Variants in GABRG3 observed in about 807,000 individuals in gnomAD.
GABRG3 encodes the protein gamma-aminobutyric acid receptor subunit gamma-3.
In GABRG3, 25 loss-of-function variants were observed where a neutral mutation model predicts 48.8. The observed-to-expected ratio is 0.51, with a 90% CI of 0.37 to 0.72. The LOEUF is 0.72. Ranked by LOEUF, GABRG3 falls within the 30% of genes least tolerant of loss-of-function variation. The pLI is 0.00. For missense variants in GABRG3, 394 were observed against 577.9 expected, an observed-to-expected ratio of 0.68 and a Z score of 3.26; for synonymous variants, 227 against 217.6, an observed-to-expected ratio of 1.04 and a Z score of -0.38.
At chr15:27,203,184 A>G (rs1458131776) in intron 3 of GABRG3, among the ~76,000 whole-genome samples, 1 of 151,966 alleles carries the variant, frequency 6.6e-6, no homozygotes, top group African/African-American at 2.4e-5. Context: ...TAGTTTTTCA[A>G]TTCTCACCTT....
intron 5 of GABRG3, among the ~76,000 whole-genome samples, chr15:27,401,640 G>T (rs1039065337): frequency 6.6e-6 from 1 of 152,078 alleles, no homozygotes; most frequent in African/African-American, 2.4e-5. Context: ...GTAACACCAG[G>T]TTCACGTCTT....
intron 2 of GABRG3, among the ~76,000 whole-genome samples, chr15:26,991,049 C>T (rs929115312): frequency 1.3e-5 from 2 of 152,102 alleles, no homozygotes; most frequent in East Asian, 3.9e-4. Flanking sequence ...GTGATCCACT[C>T]GCCTTGGCCT....
At chr15:27,471,358 G>A (rs576107623) in intron 5 of GABRG3, among the ~76,000 whole-genome samples, 72 of 152,250 alleles carry the variant, frequency 4.7e-4, no homozygotes, top group African/African-American at 1.6e-3. Flanking sequence ...TGTTATTTAC[G>A]GGAGTAATTG....
At chr15:27,171,022 G>A (rs1887549262) in intron 3 of GABRG3, among the ~76,000 whole-genome samples, 1 of 152,182 alleles carries the variant, frequency 6.6e-6, no homozygotes, top group Admixed American at 6.5e-5. Context: ...GATTCATCAG[G>A]TGACAGAAAA....
chr15:27,241,210 C>T (rs1353410806), intron 3 of GABRG3, among the ~76,000 whole-genome samples: 2 of 152,100 alleles, frequency 1.3e-5, no homozygotes, highest in East Asian at 1.9e-4. Context: ...TATATGGTAC[C>T]CGAGGTCACA....
chr15:27,130,759 C>G (rs1259427490), intron 3 of GABRG3, among the ~76,000 whole-genome samples: 1 of 151,908 alleles, frequency 6.6e-6, no homozygotes, highest in African/African-American at 2.4e-5. Flanking sequence ...ATTTGAGTGT[C>G]TTATTCTTTT....
At chr15:27,403,916 AAAAAAAAAAAAAC>A (rs1399325258) in intron 5 of GABRG3, among the ~76,000 whole-genome samples, 6 of 96,540 alleles carry the variant, frequency 6.2e-5, no homozygotes, top group African/African-American at 1.8e-4. Flanking sequence ...AAAAAAAACA[AAAAAAAAAAAAAC>A]AAAAAAAAAA....
chr15:27,039,392 T>A (rs1173540678), intron 3 of GABRG3, among the ~76,000 whole-genome samples: 4 of 152,082 alleles, frequency 2.6e-5, no homozygotes, highest in Non-Finnish European at 4.4e-5. Context: ...CTGCACTGAA[T>A]AAGAGAGGAA....
chr15:27,485,515 A>G (rs1188343494), intron 6 of GABRG3, among the ~76,000 whole-genome samples: 2 of 152,184 alleles, frequency 1.3e-5, no homozygotes, highest in East Asian at 3.9e-4. Context: ...AGTTATCTGT[A>G]CAGCAAGTGC....
chr15:27,432,306 A>G (rs575052562), intron 5 of GABRG3, among the ~76,000 whole-genome samples: 35 of 152,332 alleles, frequency 2.3e-4, no homozygotes, highest in African/African-American at 8.2e-4. Context: ...TTATCTGTAT[A>G]TTATAAGCCC....
At chr15:27,269,847 T>C (rs1269453448) in intron 3 of GABRG3, among the ~76,000 whole-genome samples, 1 of 152,222 alleles carries the variant, frequency 6.6e-6, no homozygotes, top group Non-Finnish European at 1.5e-5. Context: ...TATATCCATA[T>C]CTGTCTATCT....
chr15:27,170,924 A>G (rs572761337), intron 3 of GABRG3, among the ~76,000 whole-genome samples: 1 of 152,300 alleles, frequency 6.6e-6, no homozygotes, highest in African/African-American at 2.4e-5. Flanking sequence ...ATCTCAAGCA[A>G]TTTTCAAATT....
intron 3 of GABRG3, among the ~76,000 whole-genome samples, chr15:27,080,337 C>T (rs1205863429): frequency 6.6e-6 from 1 of 152,090 alleles, no homozygotes; most frequent in Non-Finnish European, 1.5e-5. Flanking sequence ...TGGTGTGTGC[C>T]TGTAATCCCA....
intron 3 of GABRG3, among the ~76,000 whole-genome samples, chr15:27,092,042 TAAA>T (rs1180657388): frequency 6.6e-6 from 1 of 152,180 alleles, no homozygotes; most frequent in Non-Finnish European, 1.5e-5. Flanking sequence ...TCACACCTGT[TAAA>T]TAAACTTTTC....
At chr15:27,511,625 A>T (rs1460436773) in intron 6 of GABRG3, among the ~76,000 whole-genome samples, 1 of 152,262 alleles carries the variant, frequency 6.6e-6, no homozygotes, top group Non-Finnish European at 1.5e-5. Flanking sequence ...CAGAAGGCCT[A>T]CAAGAGCTCA....
chr15:27,142,106 A>G (rs1898114458), intron 3 of GABRG3, among the ~76,000 whole-genome samples: 1 of 152,218 alleles, frequency 6.6e-6, no homozygotes, highest in Admixed American at 6.5e-5. Context: ...AGTATTTCAC[A>G]ATTTATAATT....
chr15:27,498,297 C>T (rs1340552846), intron 6 of GABRG3, among the ~76,000 whole-genome samples: 8 of 152,084 alleles, frequency 5.3e-5, no homozygotes, highest in Non-Finnish European at 7.4e-5. Flanking sequence ...CATAGCTAGT[C>T]TGGCTTCTCG....
intron 5 of GABRG3, among the ~76,000 whole-genome samples, chr15:27,455,564 GGT>G (rs1038900900): frequency 6.6e-6 from 1 of 150,932 alleles, no homozygotes; most frequent in African/African-American, 2.4e-5. Context: ...GTTTGTGTGT[GGT>G]GTGTGTGTGG....
At chr15:27,293,042 A>T (rs1392994550) in intron 3 of GABRG3, among the ~76,000 whole-genome samples, 1 of 152,204 alleles carries the variant, frequency 6.6e-6, no homozygotes, top group African/African-American at 2.4e-5. Flanking sequence ...TGAAAATGCC[A>T]CGAAGGTTCC....
Sources: allele counts gnomAD v4.1 joint callset (sites outside exome capture counted in the v4.1 genomes callset), GRCh38; gene constraint gnomAD v4.1.1; transcripts MANE v1.5; gene names NCBI Gene and HGNC (gene_info 2026-07-23, HGNC 2026-07-21).